CSRNP3: variants seen among roughly 807,000 people sequenced by gnomAD.
The protein encoded by CSRNP3 is cysteine/serine-rich nuclear protein 3.
CSRNP3 carries 12 observed loss-of-function variants against 48.0 expected under a neutral mutation model. That is an observed-to-expected ratio of 0.25 (90% CI 0.16 to 0.41). The LOEUF (loss-of-function observed/expected upper bound fraction) is 0.41. Ranked by LOEUF, CSRNP3 falls within the 10% of genes least tolerant of loss-of-function variation. CSRNP3 has a pLI of 1.00. For missense variants in CSRNP3, 580 were observed against 724.4 expected (o/e 0.80, Z 2.29); for synonymous variants, 263 against 269.7 (o/e 0.98, Z 0.24).
intron 3 of CSRNP3, among the ~76,000 whole-genome samples, chr2:165,535,187 C>T (rs184011294): frequency 5.9e-5 from 9 of 151,674 alleles, no homozygotes; most frequent in African/African-American, 1.9e-4. Context: ...ATGACTCATC[C>T]TTAGGAGGAA....
intron 4 of CSRNP3, among the ~76,000 whole-genome samples, chr2:165,638,517 A>G (rs1368296655): frequency 6.6e-6 from 1 of 151,994 alleles, no homozygotes; most frequent in African/African-American, 2.4e-5. Context: ...ACTGATTCCT[A>G]TATTTAGAAC....
intron 4 of CSRNP3, among the ~76,000 whole-genome samples, chr2:165,656,628 C>A (rs905609171): frequency 6.6e-6 from 1 of 151,984 alleles, no homozygotes; most frequent in African/African-American, 2.4e-5. Context: ...CATTAGAATC[C>A]CATTGTTCAT....
chr2:165,621,958 A>G (rs963963186), intron 4 of CSRNP3, among the ~76,000 whole-genome samples: 1 of 152,170 alleles, frequency 6.6e-6, no homozygotes, highest in Non-Finnish European at 1.5e-5. Context: ...AATTTTCTTC[A>G]GATCATTTGA....
intron 4 of CSRNP3, among the ~76,000 whole-genome samples, chr2:165,598,321 G>C (rs1352640292): frequency 1.3e-5 from 2 of 152,112 alleles, no homozygotes; most frequent in Non-Finnish European, 2.9e-5. Flanking sequence ...TATCTATACT[G>C]TCAGGCAAAG....
intron 3 of CSRNP3, among the ~76,000 whole-genome samples, chr2:165,579,946 T>G (rs1685513931): frequency 1.6e-5 from 1 of 64,272 alleles, no homozygotes; most frequent in African/African-American, 5.9e-5. Flanking sequence ...TTTTTTTTTT[T>G]GAGACAGAGT....
At chr2:165,509,523 G>C (rs988565431) in intron 2 of CSRNP3, among the ~76,000 whole-genome samples, 1 of 152,170 alleles carries the variant, frequency 6.6e-6, no homozygotes, top group Non-Finnish European at 1.5e-5. Context: ...AGGCAGAGCT[G>C]AAAGGCAATG....
intron 4 of CSRNP3, among the ~76,000 whole-genome samples, chr2:165,596,495 A>G (rs1245598030): frequency 1.3e-5 from 2 of 152,238 alleles, no homozygotes; most frequent in South Asian, 2.1e-4. Flanking sequence ...GCTGTTGAAC[A>G]TGAAATAAAT....
At chr2:165,638,911 C>T (rs1021056789) in intron 4 of CSRNP3, among the ~76,000 whole-genome samples, 3 of 152,172 alleles carry the variant, frequency 2.0e-5, no homozygotes, top group African/African-American at 7.2e-5. Context: ...TTAGTAAATA[C>T]AGAGCCGTTG....
chr2:165,563,569 G>A (rs1558935511), intron 3 of CSRNP3, among the ~76,000 whole-genome samples: 1 of 152,088 alleles, frequency 6.6e-6, no homozygotes, highest in Non-Finnish European at 1.5e-5. Context: ...TTTGGCTGAA[G>A]TTTTTCTTTT....
rs561071087 is a variant in CSRNP3, at chr2:165,590,632, C to T, written c.-23-4411C>T. Among the ~76,000 whole-genome samples the T allele has an allele frequency of 7.2e-5, 11 of 152,232 alleles. No homozygotes were observed. In the South Asian group the frequency reaches 2.3e-3, roughly 32 times the overall value. On this transcript the variant is annotated intron_variant, in intron 3 of 6. Transcript: ENST00000651982. Reference sequence around the variant, plus strand: ...GTAATTGAATCATGGAGGCCGTTACCTTCATGCTGTTCTTGTGATAGTGAG... The same window carrying T: ...GTAATTGAATCATGGAGGCCGTTACTTTCATGCTGTTCTTGTGATAGTGAG...
chr2:165,621,629 G>A lies in CSRNP3; in HGVS notation c.148+26416G>A, dbSNP rs1354644241. 2.0e-5 allele frequency among the ~76,000 whole-genome samples: 3 copies of A among 152,032 alleles called. No individual in the cohort carries two copies. The East Asian group carries it at 5.8e-4, about 29-fold the overall frequency. ...TGTTTAGCTGTTTTGTTTTGTTTTT[G>A]TAGAAAATAATATAGTTTTATTAAA... On this transcript the variant is annotated intron_variant, in intron 4 of 6. Coordinates refer to ENST00000651982, the MANE Select transcript of CSRNP3 (RefSeq NM_001172173.2).
At position 165,591,864 on chromosome 2, in the gene CSRNP3, G is replaced by A. The variant is rs78490135; in HGVS notation, c.-23-3179G>A. 2.3e-3 allele frequency among the ~76,000 whole-genome samples: 351 copies of A among 152,350 alleles called. 1 individual carries two copies. Among genetic ancestry groups the A allele is most frequent in the African/African-American group, 8.1e-3 (335 of 41,582 alleles). ...CTCATGAATACCCTCTGTTAGGGCA[G>A]TGCAGAAGGGAAGTTTGGGGTTGGA... On this transcript the variant is annotated intron_variant, in intron 3 of 6. Transcript: ENST00000651982.
intron 3 of CSRNP3, among the ~76,000 whole-genome samples, chr2:165,528,487 T>C (rs1684769049): frequency 6.6e-6 from 1 of 152,194 alleles, no homozygotes; most frequent in Non-Finnish European, 1.5e-5. Flanking sequence ...CATTTTGAGT[T>C]GACTTTTGTA....
At chr2:165,522,168 T>C (rs1473141155) in intron 3 of CSRNP3, among the ~76,000 whole-genome samples, 1 of 152,080 alleles carries the variant, frequency 6.6e-6, no homozygotes, top group Non-Finnish European at 1.5e-5. Context: ...GGTGTGTGTC[T>C]GTAGTCCCAG....
chr2:165,585,529 T>A (rs144605778), intron 3 of CSRNP3, among the ~76,000 whole-genome samples: 38 of 152,300 alleles, frequency 2.5e-4, no homozygotes, highest in African/African-American at 9.1e-4. Flanking sequence ...AAGCTTTTCC[T>A]ATGCAACTCA....
At chr2:165,634,298 C>T (rs1337664775) in intron 4 of CSRNP3, among the ~76,000 whole-genome samples, 1 of 152,088 alleles carries the variant, frequency 6.6e-6, no homozygotes, top group Non-Finnish European at 1.5e-5. Flanking sequence ...TGAGATCGCA[C>T]CACTGCACTC....
At chr2:165,600,742 G>A (rs1685901143) in intron 4 of CSRNP3, among the ~76,000 whole-genome samples, 1 of 152,234 alleles carries the variant, frequency 6.6e-6, no homozygotes, top group South Asian at 2.1e-4. Context: ...CTTTTGAGAA[G>A]TGTCTGTTCA....
At position 165,685,556 on chromosome 2, in the gene CSRNP3, C is replaced by T. The variant is rs1291046837; in HGVS notation, c.*5803C>T. Reference sequence around the variant, plus strand: ...AGATTTTTTAAATATTCACATCTAGCCTGGAATTTTAGTAAATACAGATAC... The same window carrying T: ...AGATTTTTTAAATATTCACATCTAGTCTGGAATTTTAGTAAATACAGATAC... On this transcript the variant is annotated 3_prime_UTR_variant, in exon 7 of 7. Coordinates refer to ENST00000651982, the MANE Select transcript of CSRNP3 (RefSeq NM_001172173.2). The T allele has an allele frequency of 6.6e-6, 1 of 151,954 alleles. No individual in the cohort carries two copies. The highest frequency in any genetic ancestry group is 1.9e-4 in the East Asian group (1 of 5,188). 9.4% of individuals were successfully genotyped at this position (151,954 alleles called of 1,614,324 possible).
At chr2:165,629,455 C>T (rs1399042282) in intron 4 of CSRNP3, among the ~76,000 whole-genome samples, 1 of 152,326 alleles carries the variant, frequency 6.6e-6, no homozygotes, top group Non-Finnish European at 1.5e-5. Context: ...ATCTCATTCA[C>T]GGAGGTAAAG....
Sources: allele counts gnomAD v4.1 joint callset (sites outside exome capture counted in the v4.1 genomes callset), GRCh38; gene constraint gnomAD v4.1.1; transcripts MANE v1.5; gene names NCBI Gene and HGNC (gene_info 2026-07-23, HGNC 2026-07-21).